The following ERBB4 variants were observed in gnomAD, a reference collection of about 807,000 sequenced individuals.
ERBB4 encodes the protein erb-b2 receptor tyrosine kinase 4, also known as receptor tyrosine-protein kinase erbB-4.
In ERBB4, 42 loss-of-function variants were observed where a neutral mutation model predicts 158.0. That is an observed-to-expected ratio of 0.27 (90% confidence interval 0.21 to 0.34). ERBB4 has a LOEUF of 0.34. ERBB4 is among the 10% of genes least tolerant of loss of function. ERBB4 has a pLI of 1.00. For synonymous variants in ERBB4, 583 were observed against 558.7 expected (o/e 1.04, Z -0.61); for missense variants, 1,333 against 1,624.1 (o/e 0.82, Z 3.08).
intron 17 of ERBB4, among the ~76,000 whole-genome samples, chr2:211,626,954 A>T (rs1445381658): frequency 3.0e-5 from 1 of 33,276 alleles, no homozygotes; most frequent in Non-Finnish European, 8.1e-5. Flanking sequence ...AAATAAAAAA[A>T]ATAAAAAAAA....
intron 20 of ERBB4, among the ~76,000 whole-genome samples, chr2:211,525,251 AC>A (rs2066314148): frequency 6.6e-6 from 1 of 152,104 alleles, no homozygotes; most frequent in African/African-American, 2.4e-5. Context: ...GCAACCCCAG[AC>A]AAAAAAGCTC....
intron 2 of ERBB4, among the ~76,000 whole-genome samples, chr2:212,025,866 A>C (rs1559342610): frequency 1.3e-5 from 2 of 151,812 alleles, no homozygotes; most frequent in African/African-American, 4.8e-5. Flanking sequence ...ACTGAAAATA[A>C]AGAACTTTAT....
intron 1 of ERBB4, among the ~76,000 whole-genome samples, chr2:212,313,291 G>T (rs546452819): frequency 1.3e-5 from 2 of 150,544 alleles, no homozygotes; most frequent in Non-Finnish European, 3.0e-5. Context: ...TATCAAATAA[G>T]GTAAATAAAA....
chr2:212,428,670 T>C (rs1574901964), intron 1 of ERBB4, among the ~76,000 whole-genome samples: 1 of 152,184 alleles, frequency 6.6e-6, no homozygotes, highest in Non-Finnish European at 1.5e-5. Flanking sequence ...TCATGTTGTG[T>C]TCTTATCACA....
chr2:211,767,254 C>G (rs952379491), intron 4 of ERBB4, among the ~76,000 whole-genome samples: 2 of 152,132 alleles, frequency 1.3e-5, no homozygotes, highest in African/African-American at 4.8e-5. Context: ...TACATAATTA[C>G]TCTCACCCAT....
At position 212,423,351 on chromosome 2, in the gene ERBB4, T is replaced by C. The variant is rs141635019; in HGVS notation, c.82+115098A>G. Among the ~76,000 whole-genome samples the C allele has an allele frequency of 2.5e-3, 376 of 152,308 alleles. 1 individual carries two copies. The highest frequency in any genetic ancestry group is 4.0e-3 in the Non-Finnish European group (272 of 68,030). On this transcript the variant is annotated intron_variant, in intron 1 of 27. Coordinates refer to ENST00000342788, the MANE Select transcript of ERBB4 (RefSeq NM_005235.3). The stretch of plus-strand genomic sequence containing the variant: ...AGAAGATGCCAAAAGCTACAGTGAT[T>C]ATCTGAATCACAGAAAAAAGAGGTG...
chr2:211,785,105 T>A (rs1007314797), intron 4 of ERBB4, among the ~76,000 whole-genome samples: 8 of 144,470 alleles, frequency 5.5e-5, no homozygotes, highest in East Asian at 2.2e-4. Context: ...TTTTTTTTTT[T>A]TTTTTTTTAT....
chr2:211,775,992 C>T (rs1035252881), intron 4 of ERBB4, among the ~76,000 whole-genome samples: 3 of 152,160 alleles, frequency 2.0e-5, no homozygotes, highest in African/African-American at 7.2e-5. Context: ...TATTATAGAA[C>T]AGGCTCCTCT....
At chr2:211,632,233 GA>G (rs1297031346) in intron 16 of ERBB4, among the ~76,000 whole-genome samples, 7 of 151,956 alleles carry the variant, frequency 4.6e-5, no homozygotes, top group Non-Finnish European at 7.4e-5. Context: ...CTATAGTATG[GA>G]AAAAAATTCT....
chr2:212,097,671 A>T (rs1315541698), intron 2 of ERBB4, among the ~76,000 whole-genome samples: 1 of 152,196 alleles, frequency 6.6e-6, no homozygotes, highest in East Asian at 1.9e-4. Context: ...GATAATAAGG[A>T]AGGATCAGGC....
At chr2:211,857,169 G>GTC (rs1559580780) in intron 3 of ERBB4, among the ~76,000 whole-genome samples, 1 of 151,216 alleles carries the variant, frequency 6.6e-6, no homozygotes, top group East Asian at 1.9e-4. Context: ...TTGTGTGTGT[G>GTC]TGTGTGTTTG....
intron 19 of ERBB4, among the ~76,000 whole-genome samples, chr2:211,575,650 CAGTT>C (rs1276378306): frequency 6.6e-6 from 1 of 152,056 alleles, no homozygotes; most frequent in Non-Finnish European, 1.5e-5. Context: ...AGAATAATCT[CAGTT>C]AATTAATGAC....
chr2:211,628,604 A>G (rs1458294826), intron 17 of ERBB4, among the ~76,000 whole-genome samples: 1 of 152,106 alleles, frequency 6.6e-6, no homozygotes, highest in African/African-American at 2.4e-5. Context: ...AGTCTTTGCT[A>G]TTGTGAATAG....
At position 212,497,617 on chromosome 2, in the gene ERBB4, C is replaced by T. The variant is rs191130864; in HGVS notation, c.82+40832G>A. 4.6e-5 allele frequency among the ~76,000 whole-genome samples: 7 copies of T among 152,276 alleles called. 1 individual carries two copies. Among genetic ancestry groups the T allele is most frequent in the Admixed American group, 3.9e-4 (6 of 15,288 alleles). On this transcript the variant is annotated intron_variant, in intron 1 of 27. Transcript: ENST00000342788. The stretch of plus-strand genomic sequence containing the variant: ...CTTTACTTTCAATCTCCTTTTGGAA[C>T]ATACAAGTCCTACATTCCAGTTTCG...
intron 7 of ERBB4, among the ~76,000 whole-genome samples, chr2:211,716,670 C>G (rs1297464070): frequency 6.6e-6 from 1 of 150,826 alleles, no homozygotes; most frequent in Non-Finnish European, 1.5e-5. Context: ...AGCGAGACTC[C>G]GTCTCAAAAA....
intron 20 of ERBB4, among the ~76,000 whole-genome samples, chr2:211,437,007 A>C (rs560054868): frequency 3.9e-5 from 6 of 152,314 alleles, no homozygotes; most frequent in African/African-American, 1.4e-4. Context: ...TTAATAAAAT[A>C]GATTTTCTAT....
intron 3 of ERBB4, among the ~76,000 whole-genome samples, chr2:211,833,754 C>T (rs577479712): frequency 6.6e-6 from 1 of 151,976 alleles, no homozygotes; most frequent in Admixed American, 6.6e-5. Flanking sequence ...TAACATGGCT[C>T]AGGTTTCCAC....
chr2:212,304,604 C>T (rs1405370067), intron 1 of ERBB4, among the ~76,000 whole-genome samples: 1 of 151,460 alleles, frequency 6.6e-6, no homozygotes, highest in Non-Finnish European at 1.5e-5. Flanking sequence ...CATCAATGAG[C>T]ATTTGATTTC....
At chr2:211,613,091 G>T (rs1027536685) in intron 19 of ERBB4, among the ~76,000 whole-genome samples, 8 of 152,050 alleles carry the variant, frequency 5.3e-5, no homozygotes, top group Admixed American at 5.3e-4. Flanking sequence ...TAAGGATGGA[G>T]ACAAGGTCAG....
Sources: allele counts gnomAD v4.1 joint callset (sites outside exome capture counted in the v4.1 genomes callset), GRCh38; gene constraint gnomAD v4.1.1; transcripts MANE v1.5; gene names NCBI Gene and HGNC (gene_info 2026-07-23, HGNC 2026-07-21).